Variants in NEGR1 observed in about 807,000 individuals in gnomAD.
NEGR1 encodes IgLON family member 4.
Under a neutral mutation model 40.9 loss-of-function variants are expected in NEGR1, and 10 were observed. The observed-to-expected ratio is 0.24, with a 90% confidence interval of 0.15 to 0.42. NEGR1 has a LOEUF of 0.42. Among genes scored for constraint, NEGR1 ranks in the 10% least tolerant of loss-of-function variants. The pLI, the probability that NEGR1 is intolerant of heterozygous loss-of-function variation, is 1.00. For synonymous variants in NEGR1, 185 were observed against 166.8 expected (o/e 1.11, Z -0.84); for missense variants, 352 against 438.9 (o/e 0.80, Z 1.77).
chr1:71,483,091 G>T (rs566303846), intron 6 of NEGR1, among the ~76,000 whole-genome samples: 10 of 151,672 alleles, frequency 6.6e-5, no homozygotes, highest in Admixed American at 1.3e-4. Flanking sequence ...TCAGTGAGAG[G>T]CCATGTGGAT....
chr1:71,766,431 C>T (rs907108964), intron 3 of NEGR1, among the ~76,000 whole-genome samples: 7 of 152,212 alleles, frequency 4.6e-5, no homozygotes, highest in South Asian at 2.1e-4. Flanking sequence ...ATTAAGCATA[C>T]GGAAATTAGA....
intron 2 of NEGR1, among the ~76,000 whole-genome samples, chr1:71,858,960 T>C (rs1325580647): frequency 6.6e-6 from 1 of 151,998 alleles, no homozygotes; most frequent in Non-Finnish European, 1.5e-5. Flanking sequence ...TCCCTGTAAC[T>C]CTTACTAGAA....
chr1:71,479,797 C>T (rs1646843159), intron 6 of NEGR1, among the ~76,000 whole-genome samples: 2 of 151,848 alleles, frequency 1.3e-5, no homozygotes, highest in African/African-American at 2.4e-5. Flanking sequence ...TCTTTTTTCC[C>T]TGCCAATATG....
intron 3 of NEGR1, among the ~76,000 whole-genome samples, chr1:71,761,036 T>G (rs949054578): frequency 6.6e-6 from 1 of 152,224 alleles, no homozygotes; most frequent in African/African-American, 2.4e-5. Flanking sequence ...CTCCTAGTTT[T>G]TCAGATAATT....
intron 6 of NEGR1, among the ~76,000 whole-genome samples, chr1:71,517,337 G>A (rs1441184103): frequency 8.5e-5 from 6 of 70,586 alleles, no homozygotes; most frequent in Middle Eastern, 4.6e-3. Context: ...ATAAAATACT[G>A]GCAAACCGAA....
intron 1 of NEGR1, among the ~76,000 whole-genome samples, chr1:72,012,966 GA>G (rs544491870): frequency 4.2e-5 from 6 of 141,730 alleles, no homozygotes; most frequent in East Asian, 2.0e-4. Flanking sequence ...AAACCAACTG[GA>G]AAAAAAAACA....
intron 1 of NEGR1, among the ~76,000 whole-genome samples, chr1:72,080,050 T>C (rs1306529789): frequency 6.6e-6 from 1 of 152,082 alleles, no homozygotes; most frequent in African/African-American, 2.4e-5. Flanking sequence ...AATACTTTAT[T>C]TAGCAGCCTA....
chr1:72,276,837 A>G (rs1026402993), intron 1 of NEGR1, among the ~76,000 whole-genome samples: 1 of 152,166 alleles, frequency 6.6e-6, no homozygotes, highest in Non-Finnish European at 1.5e-5. Flanking sequence ...GATATTTAAA[A>G]TGGGAGAATT....
intron 1 of NEGR1, among the ~76,000 whole-genome samples, chr1:72,249,798 C>G (rs887206512): frequency 1.3e-5 from 2 of 152,130 alleles, no homozygotes; most frequent in Non-Finnish European, 2.9e-5. Flanking sequence ...GGGAATAATA[C>G]ACATATTGCC....
At chr1:71,887,321 C>A (rs889610996) in intron 2 of NEGR1, among the ~76,000 whole-genome samples, 6 of 152,018 alleles carry the variant, frequency 3.9e-5, no homozygotes, top group Non-Finnish European at 7.4e-5. Flanking sequence ...TGGATCCATG[C>A]AGTTCAAATT....
At chr1:71,712,262 G>A (rs1394864337) in intron 3 of NEGR1, among the ~76,000 whole-genome samples, 2 of 152,170 alleles carry the variant, frequency 1.3e-5, no homozygotes, top group African/African-American at 4.8e-5. Flanking sequence ...TGGCAATGAG[G>A]ATGTGCATCA....
chr1:72,109,724 A>T (rs887897578), intron 1 of NEGR1, among the ~76,000 whole-genome samples: 1 of 151,686 alleles, frequency 6.6e-6, no homozygotes, highest in Non-Finnish European at 1.5e-5. Flanking sequence ...TACTTCAGTG[A>T]TCAGCTCCTA....
intron 6 of NEGR1, among the ~76,000 whole-genome samples, chr1:71,419,087 T>C (rs1646375753): frequency 6.6e-6 from 1 of 152,178 alleles, no homozygotes; most frequent in Admixed American, 6.5e-5. Context: ...TGGAGTCCAG[T>C]TATGCACAGC....
At chr1:71,669,672 G>A (rs1257647814) in intron 4 of NEGR1, among the ~76,000 whole-genome samples, 1 of 150,976 alleles carries the variant, frequency 6.6e-6, no homozygotes, top group Non-Finnish European at 1.5e-5. Context: ...TTTTTTTTGA[G>A]ATGGAGTCTT....
intron 6 of NEGR1, among the ~76,000 whole-genome samples, chr1:71,525,589 G>A (rs1482000080): frequency 2.0e-5 from 3 of 151,596 alleles, no homozygotes; most frequent in Admixed American, 6.6e-5. Flanking sequence ...TTCAGACACT[G>A]TACAGAGAAT....
At chr1:71,627,489 T>C (rs1650826515) in intron 4 of NEGR1, among the ~76,000 whole-genome samples, 1 of 152,016 alleles carries the variant, frequency 6.6e-6, no homozygotes, top group African/African-American at 2.4e-5. Context: ...ACTAATGCCA[T>C]TTTTTAGTCA....
chr1:71,513,841 C>G (rs1406911474), intron 6 of NEGR1, among the ~76,000 whole-genome samples: 4 of 150,388 alleles, frequency 2.7e-5, no homozygotes, highest in Non-Finnish European at 5.9e-5. Flanking sequence ...GAGTGCCAGA[C>G]AGTGTGCGCA....
chr1:71,812,139 C>A (rs1032288992), intron 2 of NEGR1, among the ~76,000 whole-genome samples: 1 of 152,016 alleles, frequency 6.6e-6, no homozygotes, highest in African/African-American at 2.4e-5. Context: ...TAACTGAGAA[C>A]ATGCAGTGTT....
chr1:72,166,026 T>C (rs1651751186), intron 1 of NEGR1, among the ~76,000 whole-genome samples: 1 of 152,016 alleles, frequency 6.6e-6, no homozygotes. Context: ...GGGCAATGTA[T>C]AGGTAGAATA....
Sources: allele counts gnomAD v4.1 joint callset (sites outside exome capture counted in the v4.1 genomes callset), GRCh38; gene constraint gnomAD v4.1.1; transcripts MANE v1.5; gene names NCBI Gene and HGNC (gene_info 2026-07-23, HGNC 2026-07-21).